The following PCDH7 variants were observed in gnomAD, a reference collection of about 807,000 sequenced individuals.
The protein encoded by PCDH7 is protocadherin-7.
PCDH7 carries 17 observed loss-of-function variants against 58.9 expected under a neutral mutation model. The observed-to-expected ratio is 0.29, with a 90% CI of 0.20 to 0.43. PCDH7 has a LOEUF of 0.43. PCDH7 is among the 20% of genes least tolerant of loss of function. The probability of loss-of-function intolerance (pLI) is 1.00; values close to 1 mark genes in which losing one functional copy is unlikely to be tolerated. For missense variants in PCDH7, 1,274 were observed against 1,441.0 expected, an observed-to-expected ratio of 0.88 and a Z score of 1.88; for synonymous variants, 664 against 616.4, an observed-to-expected ratio of 1.08 and a Z score of -1.14.
chr4:31,007,477 C>A (rs1752860333), intron 3 of PCDH7, among the ~76,000 whole-genome samples: 1 of 151,972 alleles, frequency 6.6e-6, no homozygotes, highest in Non-Finnish European at 1.5e-5. Context: ...TAAAAGAATA[C>A]ATTATACAAT....
chr4:30,948,848 G>A (rs1414027317), intron 2 of PCDH7, among the ~76,000 whole-genome samples: 2 of 152,094 alleles, frequency 1.3e-5, no homozygotes, highest in East Asian at 3.9e-4. Context: ...TAATCATAAG[G>A]AGTGTGTCAA....
At position 31,098,533 on chromosome 4, in the gene PCDH7, G is replaced by A. The variant is rs937207696; in HGVS notation, c.*8-43940G>A. ...TGCTACAAATGGTGGGGAGAACAAT[G>A]TTATGATTATAGCATGGACTCTGGT... On this transcript the variant is annotated intron_variant, in intron 3 of 3. Transcript: ENST00000509759. Among the ~76,000 whole-genome samples the A allele has an allele frequency of 4.5e-4, 68 of 152,198 alleles. 1 individual carries two copies. The highest frequency in any genetic ancestry group is 1.3e-4 in the Admixed American group (2 of 15,282).
At chr4:30,805,843 T>C (rs1560388563) in intron 1 of PCDH7, among the ~76,000 whole-genome samples, 1 of 152,244 alleles carries the variant, frequency 6.6e-6, no homozygotes, top group Non-Finnish European at 1.5e-5. Flanking sequence ...CTGACACTTC[T>C]ATGCTTCTTA....
chr4:31,132,646 A>G (rs1719129514), intron 3 of PCDH7, among the ~76,000 whole-genome samples: 1 of 152,170 alleles, frequency 6.6e-6, no homozygotes, highest in South Asian at 2.1e-4. Flanking sequence ...GTACCACACC[A>G]ATACACTTTC....
At chr4:31,136,206 G>A (rs1206500779) in intron 3 of PCDH7, among the ~76,000 whole-genome samples, 1 of 152,076 alleles carries the variant, frequency 6.6e-6, no homozygotes, top group Non-Finnish European at 1.5e-5. Context: ...ATCTCTCCAG[G>A]GGCTATGACC....
At chr4:30,917,249 CTTAAA>C (rs1465434618) in intron 1 of PCDH7, among the ~76,000 whole-genome samples, 9 of 152,064 alleles carry the variant, frequency 5.9e-5, no homozygotes, top group African/African-American at 1.9e-4. Context: ...TGATATACTA[CTTAAA>C]TTAAATCTTA....
intron 3 of PCDH7, among the ~76,000 whole-genome samples, chr4:31,041,903 CT>C (rs1755899494): frequency 6.6e-6 from 1 of 152,112 alleles, no homozygotes; most frequent in African/African-American, 2.4e-5. Context: ...AAAAAGTTTT[CT>C]GTTCATAGAA....
chr4:30,948,776 GCTGA>G lies in PCDH7; in HGVS notation c.288-1341_288-1338del, dbSNP rs546501691. Among the ~76,000 whole-genome samples, 53 of 152,092 alleles carry G rather than the reference GCTGA, an allele frequency of 3.5e-4. 1 individual carries two copies. Among genetic ancestry groups the G allele is most frequent in the Admixed American group, 2.0e-3 (30 of 15,260 alleles). ...AGTTTCCAAATTTCTCAACTCAAGG[GCTGA>G]CTAATACTATTGCCTAAGCCTTAGG... On this transcript the variant is annotated intron_variant, in intron 2 of 3. Transcript: ENST00000509759.
At chr4:30,894,463 G>GAAA (rs750545292) in intron 1 of PCDH7, among the ~76,000 whole-genome samples, 5 of 13,038 alleles carry the variant, frequency 3.8e-4, no homozygotes, top group Non-Finnish European at 5.1e-4. Flanking sequence ...TTTCATTCAG[G>GAAA]AAAAAAAAAA....
At chr4:30,772,713 T>G (rs999316712) in intron 1 of PCDH7, among the ~76,000 whole-genome samples, 4 of 152,184 alleles carry the variant, frequency 2.6e-5, no homozygotes, top group African/African-American at 9.7e-5. Flanking sequence ...ATAATAACAG[T>G]GGTAATGATA....
intron 3 of PCDH7, among the ~76,000 whole-genome samples, chr4:31,059,076 T>C (rs1423652182): frequency 1.3e-5 from 2 of 152,046 alleles, no homozygotes; most frequent in Non-Finnish European, 2.9e-5. Context: ...TTTTTTCCTT[T>C]AGAATTTACT....
chr4:30,813,095 T>C (rs1256706986), intron 1 of PCDH7, among the ~76,000 whole-genome samples: 3 of 152,214 alleles, frequency 2.0e-5, no homozygotes, highest in Non-Finnish European at 2.9e-5. Context: ...AATAAAAGCC[T>C]GTGCCTGTGT....
At chr4:30,882,432 T>A (rs2109372266) in intron 1 of PCDH7, among the ~76,000 whole-genome samples, 1 of 152,138 alleles carries the variant, frequency 6.6e-6, no homozygotes, top group East Asian at 1.9e-4. Flanking sequence ...TAATATGTTT[T>A]GTTCTTTGTA....
At chr4:30,801,682 G>T (rs1461032837) in intron 1 of PCDH7, among the ~76,000 whole-genome samples, 1 of 152,108 alleles carries the variant, frequency 6.6e-6, no homozygotes, top group African/African-American at 2.4e-5. Flanking sequence ...ACCAAAGAAA[G>T]CTTCATGAAT....
intron 3 of PCDH7, among the ~76,000 whole-genome samples, chr4:31,069,089 T>C (rs1287841148): frequency 1.3e-5 from 2 of 152,106 alleles, no homozygotes; most frequent in East Asian, 1.9e-4. Context: ...ATAGCTGTTA[T>C]GTTCGAGCTA....
chr4:30,994,629 A>G (rs1228218628), intron 3 of PCDH7, among the ~76,000 whole-genome samples: 1 of 152,194 alleles, frequency 6.6e-6, no homozygotes, highest in Admixed American at 6.5e-5. Flanking sequence ...ATTACTTCAT[A>G]TGTTGAGATG....
chr4:30,924,817 G>GC (rs1743632086), intron 2 of PCDH7, among the ~76,000 whole-genome samples: 1 of 147,208 alleles, frequency 6.8e-6, no homozygotes, highest in East Asian at 2.0e-4. Flanking sequence ...GAGTACAAAT[G>GC]AAAAAAAAAA....
Position 30,876,579 on chromosome 4 carries a change from G to A in PCDH7, c.71-43574G>A, listed in dbSNP as rs1296487411. 2.0e-5 allele frequency among the ~76,000 whole-genome samples: 3 copies of A among 151,970 alleles called. No individual in the cohort carries two copies. The East Asian group carries it at 5.8e-4, about 29-fold the overall frequency. ...TAATATCACATGCAAGTTTTATGGT[G>A]TGTTTATTAAGACTTTTAGTTTAAA... is the stretch of plus-strand genomic sequence containing the variant. On this transcript the variant is annotated intron_variant, in intron 1 of 3. Coordinates refer to the PCDH7 transcript ENST00000509759.
chr4:30,924,350 T>G (rs974827172), intron 2 of PCDH7, among the ~76,000 whole-genome samples: 2 of 152,218 alleles, frequency 1.3e-5, no homozygotes, highest in Non-Finnish European at 2.9e-5. Context: ...GAAATCTTAC[T>G]CGGTTCCAGG....
Sources: allele counts gnomAD v4.1 joint callset (sites outside exome capture counted in the v4.1 genomes callset), GRCh38; gene constraint gnomAD v4.1.1; transcripts MANE v1.5; gene names NCBI Gene and HGNC (gene_info 2026-07-23, HGNC 2026-07-21).